Variants in PCDHGA3 observed in about 807,000 individuals in gnomAD.
PCDHGA3 encodes the protein protocadherin gamma subfamily A, 3, also known as protocadherin gamma-A3.
A neutral mutation model predicts 58.5 loss-of-function variants in PCDHGA3; 40 were observed. The observed-to-expected ratio is 0.68, with a 90% confidence interval of 0.53 to 0.89. The LOEUF is 0.89. Among genes scored for constraint, PCDHGA3 ranks in the 40% least tolerant of loss-of-function variants. PCDHGA3 has a pLI of 0.00. For synonymous variants in PCDHGA3, 530 were observed against 525.7 expected (o/e 1.01, Z -0.11); for missense variants, 1,223 against 1,195.9 (o/e 1.02, Z -0.33).
At chr5:141,450,608 T>A (rs916441293) in intron 1 of PCDHGA3, among the ~76,000 whole-genome samples, 1 of 151,894 alleles carries the variant, frequency 6.6e-6, no homozygotes, top group East Asian at 1.9e-4. Flanking sequence ...TGCCTCAGCC[T>A]CCTGAGTAGC....
chr5:141,426,364 G>C (rs918838005), intron 1 of PCDHGA3: 1 of 202,328 alleles, frequency 4.9e-6, no homozygotes, highest in Non-Finnish European at 1.0e-5. Flanking sequence ...TTTGTTCTGC[G>C]GGGCACCCTC....
At chr5:141,395,067 AC>A (rs1479370833) in intron 1 of PCDHGA3, 1 of 1,613,888 alleles carries the variant, frequency 6.2e-7, no homozygotes, top group African/African-American at 1.3e-5. Flanking sequence ...TTTCCTGCAG[AC>A]CTATTCCCAG....
intron 1 of PCDHGA3, chr5:141,400,391 C>T (rs1468153713): frequency 1.2e-6 from 2 of 1,614,076 alleles, no homozygotes; most frequent in Non-Finnish European, 1.7e-6. Flanking sequence ...GTTGCACATA[C>T]AGGAAAGACG....
At chr5:141,428,305 G>A (rs751498223) in intron 1 of PCDHGA3, 8 of 694,348 alleles carry the variant, frequency 1.2e-5, no homozygotes, top group African/African-American at 1.8e-5. Flanking sequence ...GATTTACCTG[G>A]TCGTGGCCTT....
Position 141,490,481 on chromosome 5 carries a change from G to A in PCDHGA3, c.2425-4326G>A, listed in dbSNP as rs771164683. 8.7e-6 allele frequency: 14 copies of A among 1,614,060 alleles called. No homozygotes were observed. The highest frequency in any genetic ancestry group is 4.0e-5 in the African/African-American group (3 of 74,928). ...CTGCTAACCAGCCAGCCTTTGGACCGGGAGGCCACATCCCACTATATCATC... is the reference window on the plus strand; with the variant it reads ...CTGCTAACCAGCCAGCCTTTGGACCAGGAGGCCACATCCCACTATATCATC... On this transcript the variant is annotated intron_variant, in intron 1 of 3. Transcript: ENST00000253812. The surrounding 1 kb of genome is among the most constrained non-coding windows in gnomAD (Gnocchi z 5.4).
rs758266181 is a variant in PCDHGA3 at position 141,476,561 on chromosome 5, G to A, written c.2425-18246G>A. 1.9e-6 allele frequency: 3 copies of A among 1,614,100 alleles called. No homozygotes were observed. The highest frequency in any genetic ancestry group is 2.5e-6 in the Non-Finnish European group (3 of 1,180,050). Reference sequence around the variant, plus strand: ...GAAATTGGAGATTAGCGAGGCCGTGGCTCCGGGGACGCGCTTTCCGCTCGA... The same window carrying A: ...GAAATTGGAGATTAGCGAGGCCGTGACTCCGGGGACGCGCTTTCCGCTCGA... On this transcript the variant is annotated intron_variant, in intron 1 of 3. Coordinates refer to ENST00000253812, the MANE Select transcript of PCDHGA3 (RefSeq NM_018916.4). This position sits in a 1 kb window ranked among gnomAD's most constrained non-coding sequence, Gnocchi z 7.6.
chr5:141,443,999 T>C (rs2098413024), intron 1 of PCDHGA3, among the ~76,000 whole-genome samples: 1 of 152,136 alleles, frequency 6.6e-6, no homozygotes, highest in Non-Finnish European at 1.5e-5. Context: ...TTTTAAATGC[T>C]ACCTGGGTAT....
chr5:141,393,110 C>T, intron 1 of PCDHGA3: 10 of 1,613,496 alleles, frequency 6.2e-6, no homozygotes, highest in Non-Finnish European at 8.5e-6. Flanking sequence ...GCGCTCAGAG[C>T]CCGCGGTGTC....
At chr5:141,472,010 C>T (rs1305786275) in intron 1 of PCDHGA3, among the ~76,000 whole-genome samples, 1 of 151,978 alleles carries the variant, frequency 6.6e-6, no homozygotes, top group Non-Finnish European at 1.5e-5. Flanking sequence ...CGTATAGGGG[C>T]ACTATATTGT....
chr5:141,475,955 C>A, intron 1 of PCDHGA3: 1 of 800,218 alleles, frequency 1.2e-6, no homozygotes, highest in Non-Finnish European at 1.9e-6. Flanking sequence ...TTCTGCGCCC[C>A]GGGATGAGGC....
At chr5:141,405,022 C>T in intron 1 of PCDHGA3, 6 of 1,613,976 alleles carry the variant, frequency 3.7e-6, no homozygotes, top group Non-Finnish European at 5.1e-6. Context: ...CAGACCTTAC[C>T]CTCTACCTCG....
chr5:141,443,938 G>T (rs1330111540), intron 1 of PCDHGA3, among the ~76,000 whole-genome samples: 1 of 152,014 alleles, frequency 6.6e-6, no homozygotes, highest in Non-Finnish European at 1.5e-5. Context: ...CTCACAGCAG[G>T]TTTCCTTATT....
Position 141,453,588 on chromosome 5 carries a change from CTG to C in PCDHGA3, c.2425-41215_2425-41214del, listed in dbSNP as rs572244169. ...TTCATTAGTTTGTGGTTTATCCTCA[CTG>C]TGTTTCTTTTTGCAAAACGCAAAAA... On this transcript the variant is annotated intron_variant, in intron 1 of 3. Coordinates refer to ENST00000253812, the MANE Select transcript of PCDHGA3 (RefSeq NM_018916.4). Among the ~76,000 whole-genome samples the C allele has an allele frequency of 5.9e-5, 9 of 152,296 alleles. No individual in the cohort carries two copies. In the South Asian group the frequency reaches 1.5e-3, roughly 25 times the overall value.
rs1360494290 is a variant in PCDHGA3 at position 141,433,285 on chromosome 5, C to T, written c.2425-61522C>T. On this transcript the variant is annotated intron_variant, in intron 1 of 3. Coordinates refer to ENST00000253812, the MANE Select transcript of PCDHGA3 (RefSeq NM_018916.4). ...CATAGCTCACTGCAGCCTCAAACTCCTAGGCTCAAGCAATTATCCCACCTT... is the reference window on the plus strand; with the variant it reads ...CATAGCTCACTGCAGCCTCAAACTCTTAGGCTCAAGCAATTATCCCACCTT... The T allele has an allele frequency of 6.8e-6, 8 of 1,169,708 alleles. No individual in the cohort carries two copies. In the East Asian group the frequency reaches 1.7e-4, roughly 25 times the overall value. The allele number at this position is 1,169,708 out of a possible 1,614,324, so 72.5% of individuals were successfully genotyped here. A position where few individuals can be genotyped will look rare whatever the true frequency, so the allele number is the denominator to read the frequency against.
Position 141,361,114 on chromosome 5 carries a change from C to G in PCDHGA3, c.2424+14657C>G, listed in dbSNP as rs1440406378. 11 of 1,613,872 alleles carry G rather than the reference C, an allele frequency of 6.8e-6. No individual in the cohort carries two copies. The highest frequency in any genetic ancestry group is 4.5e-5 in the East Asian group (2 of 44,896). On this transcript the variant is annotated intron_variant, in intron 1 of 3. Coordinates refer to ENST00000253812, the MANE Select transcript of PCDHGA3 (RefSeq NM_018916.4). Reference sequence around the variant, plus strand: ...TATCGAAGCAAAAGATCCTGGAGATCTAGCAGCCCACTGCAGTATCCAAGT... The same window carrying G: ...TATCGAAGCAAAAGATCCTGGAGATGTAGCAGCCCACTGCAGTATCCAAGT...
Position 141,432,562 on chromosome 5 carries a change from C to G in PCDHGA3, c.2425-62245C>G. On this transcript the variant is annotated intron_variant, in intron 1 of 3. Coordinates refer to ENST00000253812, the MANE Select transcript of PCDHGA3 (RefSeq NM_018916.4). The surrounding 1 kb of genome is among the most constrained non-coding windows in gnomAD (Gnocchi z 6.0). ...CGGTGGACAGAGACTCCGGCCAGAA[C>G]GCCTGGCTGTCCTACCGTCTGCTCA... 1 of 1,613,964 alleles carries G rather than the reference C, an allele frequency of 6.2e-7. No homozygotes were observed. Among genetic ancestry groups the G allele is most frequent in the Non-Finnish European group, 8.5e-7 (1 of 1,180,004 alleles).
chr5:141,419,386 G>A (rs2096372901), intron 1 of PCDHGA3: 1 of 1,613,650 alleles, frequency 6.2e-7, no homozygotes, highest in Non-Finnish European at 8.5e-7. Context: ...CCGTGAGCGC[G>A]CAGAGCGGGG....
Position 141,431,264 on chromosome 5 carries a change from A to T in PCDHGA3, c.2425-63543A>T. The T allele has an allele frequency of 6.2e-7, 1 of 1,614,170 alleles. No individual in the cohort carries two copies. On this transcript the variant is annotated intron_variant, in intron 1 of 3. Coordinates refer to ENST00000253812, the MANE Select transcript of PCDHGA3 (RefSeq NM_018916.4). This position sits in a 1 kb window ranked among gnomAD's most constrained non-coding sequence, Gnocchi z 4.8. ...GGATATCGGGAAGAACTCTCTGCAG[A>T]GCTACGAGCTCAGCCCGAACACTCA...
chr5:141,372,473 A>G lies in PCDHGA3; in HGVS notation c.2424+26016A>G, dbSNP rs780091616. 54 of 1,613,996 alleles carry G rather than the reference A, an allele frequency of 3.3e-5. 1 individual carries two copies. The South Asian group carries it at 3.6e-4, about 11-fold the overall frequency. On this transcript the variant is annotated intron_variant, in intron 1 of 3. Transcript: ENST00000253812. ...AGGCGGAGCTACAGTTTCACCTAGT[A>G]GTGGCGTTGGCCTTGATCTCAGTGC... is the stretch of plus-strand genomic sequence containing the variant.
Sources: allele counts gnomAD v4.1 joint callset (sites outside exome capture counted in the v4.1 genomes callset), GRCh38; gene constraint gnomAD v4.1.1; non-coding constraint Gnocchi (gnomAD v3.1); transcripts MANE v1.5; gene names NCBI Gene and HGNC (gene_info 2026-07-23, HGNC 2026-07-21).